MAP3K21: variants seen among roughly 807,000 people sequenced by gnomAD.
MAP3K21 encodes mitogen-activated protein kinase kinase kinase MLK4.
MAP3K21 carries 63 observed loss-of-function variants against 86.1 expected under a neutral mutation model. The observed-to-expected ratio is 0.73, with a 90% CI of 0.60 to 0.90. The LOEUF is 0.90. Among genes scored for constraint, MAP3K21 ranks in the 40% least tolerant of loss-of-function variants. The pLI, the probability that MAP3K21 is intolerant of heterozygous loss-of-function variation, is 0.00. For synonymous variants in MAP3K21, 558 were observed against 564.8 expected, an observed-to-expected ratio of 0.99 and a Z score of 0.17; for missense variants, 1,220 against 1,367.7, an observed-to-expected ratio of 0.89 and a Z score of 1.70.
At chr1:233,374,013 T>G (rs1663738462) in intron 6 of MAP3K21, 1 of 152,072 alleles carries the variant, frequency 6.6e-6, no homozygotes, top group Non-Finnish European at 1.5e-5. Context: ...CGAGATGAAC[T>G]TGGGTCTAAT....
At chr1:233,353,738 C>A in intron 2 of MAP3K21, 69 bp from the exon 3 acceptor site, 1 of 1,371,756 alleles carries the variant, frequency 7.3e-7, no homozygotes, top group Non-Finnish European at 9.6e-7. Flanking sequence ...AAGGGTTTAT[C>A]TCACTAAGTG....
intron 4 of MAP3K21, among the ~76,000 whole-genome samples, chr1:233,356,063 C>G (rs1388245619): frequency 6.6e-6 from 1 of 152,148 alleles, no homozygotes; most frequent in Non-Finnish European, 1.5e-5. Context: ...AACCTTGGCA[C>G]ACGTTCTTTC....
intron 1 of MAP3K21, among the ~76,000 whole-genome samples, chr1:233,329,246 C>A (rs775155791): frequency 6.6e-6 from 1 of 152,088 alleles, no homozygotes; most frequent in Non-Finnish European, 1.5e-5. Flanking sequence ...CATCAAAGTC[C>A]CCGAATGCAC....
At chr1:233,369,332 G>A (rs1663641790) in intron 5 of MAP3K21, among the ~76,000 whole-genome samples, 1 of 152,046 alleles carries the variant, frequency 6.6e-6, no homozygotes, top group Non-Finnish European at 1.5e-5. Flanking sequence ...GGAGGTTGCA[G>A]TGCACTGAGA....
chr1:233,344,566 A>G (rs1232783173), intron 1 of MAP3K21, among the ~76,000 whole-genome samples: 1 of 152,238 alleles, frequency 6.6e-6, no homozygotes, highest in African/African-American at 2.4e-5. Flanking sequence ...CTTACACCTT[A>G]TACAAAAATC....
chr1:233,333,895 G>C (rs1428704209), intron 1 of MAP3K21, among the ~76,000 whole-genome samples: 1 of 152,096 alleles, frequency 6.6e-6, no homozygotes, highest in Non-Finnish European at 1.5e-5. Flanking sequence ...ACGGAGTCTC[G>C]CTCTGTCCCC....
intron 1 of MAP3K21, among the ~76,000 whole-genome samples, chr1:233,339,371 T>TCTTCTC (rs1558451210): frequency 4.0e-5 from 3 of 75,300 alleles, no homozygotes; most frequent in Non-Finnish European, 2.8e-5. Context: ...TTCTCCTCCT[T>TCTTCTC]CTCCTTCTTC....
Position 233,365,936 on chromosome 1 carries a change from A to G in MAP3K21, c.1552+3643A>G, listed in dbSNP as rs1313946971. ...TTCACAATGACAAAGATAAGGAATC[A>G]ATCTAAGTGTCCATCAATGGATGAA... On this transcript the variant is annotated intron_variant, in intron 5 of 9. Coordinates refer to ENST00000366624, the MANE Select transcript of MAP3K21 (RefSeq NM_032435.3). 2.6e-5 allele frequency among the ~76,000 whole-genome samples: 4 copies of G among 152,212 alleles called. No individual in the cohort carries two copies. The East Asian group carries it at 7.7e-4, about 29-fold the overall frequency.
rs137943316 is a variant in MAP3K21, at chr1:233,354,790, A to AATGTCTTGAGGATAATCTG, written c.1136-45_1136-44insTGTCTTGAGGATAATCTGA. Reference sequence around the variant, plus strand: ...GTGTAAAACATTTCTTAGCAACTCTAAACTGCGTTGAGAGATGGTATTAAT... The same window carrying AATGTCTTGAGGATAATCTG: ...GTGTAAAACATTTCTTAGCAACTCTAATGTCTTGAGGATAATCTGAACTGCGTTGAGAGATGGTATTAAT... On this transcript the variant is annotated intron_variant, in intron 3 of 9. Coordinates refer to ENST00000366624, the MANE Select transcript of MAP3K21 (RefSeq NM_032435.3). 2.7e-6 allele frequency: 4 copies of AATGTCTTGAGGATAATCTG among 1,472,008 alleles called. No individual in the cohort carries two copies. In the Admixed American group the frequency reaches 5.3e-5, roughly 20 times the overall value. 91.2% of individuals were successfully genotyped at this position (1,472,008 alleles called of 1,614,324 possible).
intron 2 of MAP3K21, among the ~76,000 whole-genome samples, chr1:233,353,167 T>C (rs989089717): frequency 3.1e-5 from 4 of 130,014 alleles, no homozygotes; most frequent in African/African-American, 1.2e-4. Context: ...CATTTCACCC[T>C]GGCTTCCTCC....
At chr1:233,331,121 A>G (rs927719968) in intron 1 of MAP3K21, among the ~76,000 whole-genome samples, 2 of 152,208 alleles carry the variant, frequency 1.3e-5, no homozygotes, top group African/African-American at 4.8e-5. Context: ...TTCAGTAGAT[A>G]TTACATAATT....
At chr1:233,351,820 G>A (rs986139187) in intron 2 of MAP3K21, among the ~76,000 whole-genome samples, 2 of 152,078 alleles carry the variant, frequency 1.3e-5, no homozygotes, top group African/African-American at 4.8e-5. Context: ...AGTGAATAGA[G>A]CTTCACTAGT....
In MAP3K21 at chr1:233,372,127, C is replaced by T; in HGVS notation, c.1642C>T (p.Pro548Ser). Residue 548 changes from proline to serine, a missense_variant, in exon 6 of 10, where the codon CCC (proline) becomes TCC (serine). By Grantham distance (74) the Pro-to-Ser change is moderately conservative. Coordinates refer to ENST00000366624, the MANE Select transcript of MAP3K21 (RefSeq NM_032435.3). The stretch of plus-strand genomic sequence containing the variant: ...CAGCAGTTCCAGTCCCCCGAGCAGC[C>T]CCACAATGATGCCCCGACTCCGAGC... ...NSSSSSPPSS[P>S]TMMPRLRAIQ... 3.1e-6 allele frequency: 5 copies of T among 1,614,140 alleles called. No homozygotes were observed. Among genetic ancestry groups the T allele is most frequent in the Non-Finnish European group, 4.2e-6 (5 of 1,180,012 alleles).
chr1:233,344,782 GA>G (rs1220318709), intron 1 of MAP3K21, among the ~76,000 whole-genome samples: 1 of 152,182 alleles, frequency 6.6e-6, no homozygotes, highest in Non-Finnish European at 1.5e-5. Flanking sequence ...ACTACCATCA[GA>G]GTGAACAGAC....
intron 2 of MAP3K21, among the ~76,000 whole-genome samples, chr1:233,349,430 T>A (rs768765562): frequency 2.0e-5 from 3 of 152,174 alleles, no homozygotes; most frequent in Non-Finnish European, 4.4e-5. Flanking sequence ...ACTATGTAAT[T>A]ACCAGGTATA....
intron 2 of MAP3K21, 37 bp from the exon 3 acceptor site, chr1:233,353,770 T>C (rs1187363604): frequency 1.3e-6 from 2 of 1,511,872 alleles, no homozygotes. Flanking sequence ...AAAGACACTG[T>C]TTAGCCCATT....
rs1183362644 is a variant in MAP3K21, at chr1:233,383,968, G to T, written c.*1257G>T. 6.6e-6 allele frequency: 1 copy of T among 152,086 alleles called. No individual in the cohort carries two copies. Among genetic ancestry groups the T allele is most frequent in the Admixed American group, 6.5e-5 (1 of 15,284 alleles). The allele number at this position is 152,086 out of a possible 1,614,324, so 9.4% of individuals were successfully genotyped here. A position where few individuals can be genotyped will look rare whatever the true frequency, so the allele number is the denominator to read the frequency against. On this transcript the variant is annotated 3_prime_UTR_variant, in exon 10 of 10. Coordinates refer to ENST00000366624, the MANE Select transcript of MAP3K21 (RefSeq NM_032435.3). Reference sequence around the variant, plus strand: ...TATATGATACAAATCCAGAGTTATTGGTGCAGAAATGGCTACCCGAGAGCT... The same window carrying T: ...TATATGATACAAATCCAGAGTTATTTGTGCAGAAATGGCTACCCGAGAGCT...
intron 4 of MAP3K21, among the ~76,000 whole-genome samples, chr1:233,357,375 C>A (rs1428198389): frequency 6.7e-6 from 1 of 149,836 alleles, no homozygotes; most frequent in African/African-American, 2.5e-5. Flanking sequence ...GCACGTTGTG[C>A]ACATGTACCC....
Position 233,367,720 on chromosome 1 carries a change from C to T in MAP3K21, c.1553-4318C>T, listed in dbSNP as rs112018257. ...ATTAAAAGTACAAATATTAGATGGG[C>T]GTGGTGGCAGGCACCTGTAATCCCA... On this transcript the variant is annotated intron_variant, in intron 5 of 9. Coordinates refer to ENST00000366624, the MANE Select transcript of MAP3K21 (RefSeq NM_032435.3). Among the ~76,000 whole-genome samples, 1,340 of 152,094 alleles carry T rather than the reference C, an allele frequency of 8.8e-3. 26 individuals are homozygous for T. Among genetic ancestry groups the T allele is most frequent in the African/African-American group, 0.031 (1,282 of 41,484 alleles).
Sources: gnomAD v4.1 joint callset for allele counts (sites outside exome capture counted in the v4.1 genomes callset) on GRCh38, gnomAD v4.1.1 for gene constraint, MANE v1.5 for transcripts, NCBI Gene and HGNC (gene_info 2026-07-23, HGNC 2026-07-21) for gene names.